Variants in PASD1 observed in about 807,000 individuals in gnomAD.
PASD1 encodes circadian clock protein PASD1.
A neutral mutation model predicts 58.8 loss-of-function variants in PASD1; 13 were observed. The observed-to-expected ratio is 0.22, with a 90% CI of 0.14 to 0.35. The LOEUF (loss-of-function observed/expected upper bound fraction) is 0.35. PASD1 is among the 10% of genes least tolerant of loss of function. PASD1 has a pLI of 1.00. For missense variants in PASD1, 734 were observed against 568.3 expected (o/e 1.29, Z -2.96); for synonymous variants, 236 against 216.7 (o/e 1.09, Z -0.78).
chrX:151,642,262 C>T (rs1377417056), intron 8 of PASD1, among the ~76,000 whole-genome samples: 1 of 111,688 alleles, frequency 9.0e-6, no homozygotes, highest in East Asian at 2.8e-4. Context: ...CAATCACCTG[C>T]TCGTGTTTTT....
At chrX:151,672,067 A>T in intron 13 of PASD1, 116 bp from the exon 14 acceptor site, 1 of 1,048,762 alleles carries the variant, frequency 9.5e-7, no homozygotes, top group Non-Finnish European at 1.3e-6. Context: ...CTATGTGCAG[A>T]GAGGCTCAAC....
rs1447452927 is a variant in PASD1 at position 151,672,192 on chromosome X, G to T, written c.1447G>T (p.Val483Leu). 1 of 1,152,364 alleles carries T rather than the reference G, an allele frequency of 8.7e-7. No individual in the cohort carries two copies. The highest frequency in any genetic ancestry group is 2.0e-5 in the South Asian group (1 of 50,033). 95.0% of individuals were successfully genotyped at this position (1,152,364 alleles called of 1,213,427 possible). The change falls in exon 14 of 16, where the codon GTG (valine) becomes TTG (leucine). Residue 483 changes from valine to leucine, a missense_variant. Transcript: ENST00000370357. The stretch of plus-strand genomic sequence containing the variant: ...TTGCCTTTCGATGCAGCAGCAACTG[G>T]TGCAGCAAGAACAACACCTGAAGGA... Reference protein sequence around the residue: ...PCVAFNQQQLVQQEQHLKEQQ... With the variant: ...PCVAFNQQQLLQQEQHLKEQQ...
Position 151,623,845 on chromosome X carries a change from A to C in PASD1, c.546+781A>C, listed in dbSNP as rs149526452. On this transcript the variant is annotated intron_variant, in intron 7 of 15. Coordinates refer to ENST00000370357, the MANE Select transcript of PASD1 (RefSeq NM_173493.3). ...TCAACATCTGTAAAAGACCTAAGGT[A>C]GTAACTAGCTTGGAGAGTTCCAAGT... Among the ~76,000 whole-genome samples the C allele has an allele frequency of 3.5e-3, 392 of 111,780 alleles. 4 individuals carry two copies. The highest frequency in any genetic ancestry group is 0.027 in the Admixed American group (282 of 10,479).
intron 11 of PASD1, among the ~76,000 whole-genome samples, chrX:151,666,665 G>C (rs758631714): frequency 9.9e-4 from 87 of 87,667 alleles, no homozygotes; most frequent in African/African-American, 3.4e-3. Flanking sequence ...ATAGTATGCT[G>C]AGAATGATGG....
In PASD1 at chrX:151,671,763, G is replaced by A. The variant is rs1406497555; in HGVS notation, c.1421G>A (p.Cys474Tyr). ...LKNTGELQEPCVAFNQQQLVQ... is the reference protein window; with the variant it reads ...LKNTGELQEPYVAFNQQQLVQ... Reference sequence around the variant, plus strand: ...AACACTGGGGAGCTTCAGGAGCCTTGTGTTGCCTTCAACCAGGTATGGAAA... The same window carrying A: ...AACACTGGGGAGCTTCAGGAGCCTTATGTTGCCTTCAACCAGGTATGGAAA... The change falls in exon 13 of 16, where the codon TGT (cysteine) becomes TAT (tyrosine). Residue 474 changes from cysteine to tyrosine, a missense_variant. Cys to Tyr is a radical substitution (Grantham distance 194). Coordinates refer to ENST00000370357, the MANE Select transcript of PASD1 (RefSeq NM_173493.3). 1.7e-6 allele frequency: 2 copies of A among 1,206,775 alleles called. No homozygotes were observed. Among genetic ancestry groups the A allele is most frequent in the East Asian group, 5.9e-5 (2 of 33,833 alleles).
rs141395514 is a variant in PASD1 at position 151,629,982 on chromosome X, A to G, written c.629+4452A>G. ...ATCTATGCCGTAATCTTCATAAGAT[A>G]CATAATAAAAGTGTTTTCTGAAGGC... On this transcript the variant is annotated intron_variant, in intron 8 of 15. Transcript: ENST00000370357. Among the ~76,000 whole-genome samples the G allele has an allele frequency of 5.7e-3, 639 of 111,885 alleles. 6 individuals are homozygous for G. The highest frequency in any genetic ancestry group is 0.02 in the African/African-American group (612 of 30,791).
At chrX:151,644,213 A>G (rs915698867) in intron 8 of PASD1, among the ~76,000 whole-genome samples, 4 of 112,520 alleles carry the variant, frequency 3.6e-5, no homozygotes, top group African/African-American at 1.3e-4. Flanking sequence ...GACCTATCAA[A>G]TATTTAGAAG....
chrX:151,672,591 G>A lies in PASD1; in HGVS notation c.1846G>A (p.Ala616Thr), dbSNP rs757160025. 1 of 1,212,158 alleles carries A rather than the reference G, an allele frequency of 8.2e-7. No individual in the cohort carries two copies. Among genetic ancestry groups the A allele is most frequent in the Non-Finnish European group, 1.1e-6 (1 of 895,667 alleles). Residue 616 changes from alanine to threonine, a missense_variant, in exon 14 of 16, where the codon GCA becomes ACA. Transcript: ENST00000370357. ...CCAACCCATTGTTCCTGTCCAGAGAGCAGCTGAACAACAGCCCTCTGGCTT... is the reference window on the plus strand; with the variant it reads ...CCAACCCATTGTTCCTGTCCAGAGAACAGCTGAACAACAGCCCTCTGGCTT... Reference protein sequence around the residue: ...QAQPIVPVQRAAEQQPSGFYQ... With the variant: ...QAQPIVPVQRTAEQQPSGFYQ...
intron 8 of PASD1, among the ~76,000 whole-genome samples, chrX:151,648,412 A>T (rs1248069170): frequency 9.0e-6 from 1 of 111,231 alleles, no homozygotes; most frequent in Non-Finnish European, 1.9e-5. Context: ...CTTCATTCTA[A>T]TGAGGGTCCA....
intron 8 of PASD1, among the ~76,000 whole-genome samples, chrX:151,637,088 T>A (rs1012856034): frequency 8.9e-6 from 1 of 112,605 alleles, no homozygotes; most frequent in Non-Finnish European, 1.9e-5. Flanking sequence ...AACTTTTTAC[T>A]GATGAGTTGC....
chrX:151,598,176 A>G (rs1253291211), intron 1 of PASD1, among the ~76,000 whole-genome samples: 1 of 112,173 alleles, frequency 8.9e-6, no homozygotes, highest in African/African-American at 3.2e-5. Context: ...GTAATACTTT[A>G]GTTCTGAGTA....
chrX:151,611,965 C>G (rs1270044368), intron 4 of PASD1, among the ~76,000 whole-genome samples: 112 of 62,536 alleles, frequency 1.8e-3, no homozygotes, highest in Non-Finnish European at 2.5e-3. Context: ...CTATCCCTCC[C>G]CCCTCCCCCC....
At position 151,622,920 on chromosome X, in the gene PASD1, G is replaced by A. The variant is rs765916043; in HGVS notation, c.419-17G>A. 6 of 1,196,278 alleles carry A rather than the reference G, an allele frequency of 5.0e-6. No individual in the cohort carries two copies. The African/African-American group carries it at 1.1e-4, about 21-fold the overall frequency. Reference sequence around the variant, plus strand: ...GGTCCACCTTTCTGTTTTCACATGTGTGTCTATCTTCCTTAGAGTTTCCTG... The same window carrying A: ...GGTCCACCTTTCTGTTTTCACATGTATGTCTATCTTCCTTAGAGTTTCCTG... On this transcript the variant is annotated splice_polypyrimidine_tract_variant and intron_variant, in intron 6 of 15. Transcript: ENST00000370357.
At chrX:151,599,415 C>A (rs75670568) in intron 1 of PASD1, among the ~76,000 whole-genome samples, 53,024 of 106,274 alleles carry the variant, frequency 0.5, 11,124 homozygotes, top group East Asian at 0.94. Context: ...AGGCGCCCCC[C>A]ACCTCCCGGA....
rs757289528 is a variant in PASD1, at chrX:151,655,954, C to G, written c.718-3759C>G. Among the ~76,000 whole-genome samples the G allele has an allele frequency of 5.4e-5, 6 of 111,929 alleles. No individual in the cohort carries two copies. The East Asian group carries it at 1.7e-3, about 31-fold the overall frequency. On this transcript the variant is annotated intron_variant, in intron 9 of 15. Coordinates refer to ENST00000370357, the MANE Select transcript of PASD1 (RefSeq NM_173493.3). ...CATACCTATGTCCTGAATGGTAATGCCTAGGTTTTCTTCTAGGGTTTTTAT... is the reference window on the plus strand; with the variant it reads ...CATACCTATGTCCTGAATGGTAATGGCTAGGTTTTCTTCTAGGGTTTTTAT...
chrX:151,625,483 T>A lies in PASD1; in HGVS notation c.582T>A (p.Ala194=). 1 of 1,210,176 alleles carries A rather than the reference T, an allele frequency of 8.3e-7. No individual in the cohort carries two copies. Among genetic ancestry groups the A allele is most frequent in the South Asian group, 1.8e-5 (1 of 56,501 alleles). The change falls in exon 8 of 16, where the codon GCT becomes GCA. Residue 194 remains alanine, a synonymous_variant. Transcript: ENST00000370357. ...LYTSKAVSDE[A]VLTQDSDEEP... ...CTTCAAAGGCAGTCAGTGATGAAGC[T>A]GTACTTACACAAGATTCAGATGAGG...
intron 1 of PASD1, among the ~76,000 whole-genome samples, chrX:151,569,905 T>C (rs1008308399): frequency 9.0e-5 from 10 of 111,472 alleles, no homozygotes; most frequent in African/African-American, 3.3e-4. Flanking sequence ...GGCTCATACA[T>C]TGTCAACCTT....
At chrX:151,609,739 T>C (rs978440613) in intron 3 of PASD1, among the ~76,000 whole-genome samples, 1 of 111,261 alleles carries the variant, frequency 9.0e-6, no homozygotes, top group African/African-American at 3.3e-5. Context: ...CTTTTGGCCA[T>C]TATGAATAAT....
chrX:151,624,832 A>G (rs1315036745), intron 7 of PASD1, among the ~76,000 whole-genome samples: 1 of 111,862 alleles, frequency 8.9e-6, no homozygotes, highest in Non-Finnish European at 1.9e-5. Context: ...TGGTAAGAAA[A>G]GTAGTATAGA....
Sources: gnomAD v4.1 joint callset for allele counts (sites outside exome capture counted in the v4.1 genomes callset) on GRCh38, gnomAD v4.1.1 for gene constraint, MANE v1.5 for transcripts, NCBI Gene and HGNC (gene_info 2026-07-23, HGNC 2026-07-21) for gene names.